Variants in THOC5 observed in about 807,000 individuals in gnomAD.
THOC5 encodes Fms-interacting protein.
In THOC5, 43 loss-of-function variants were observed where a neutral mutation model predicts 92.9. That is an observed-to-expected ratio of 0.46 (90% CI 0.36 to 0.60). The LOEUF (loss-of-function observed/expected upper bound fraction) is 0.60, where lower values mean the gene tolerates loss of function less well. Among genes scored for constraint, THOC5 ranks in the 20% least tolerant of loss-of-function variants. The probability of loss-of-function intolerance (pLI) is 0.00; values close to 1 mark genes in which losing one functional copy is unlikely to be tolerated. For synonymous variants in THOC5, 296 were observed against 320.1 expected (o/e 0.92, Z 0.80); for missense variants, 659 against 849.4 (o/e 0.78, Z 2.79).
chr22:29,517,021 G>C lies in THOC5; in HGVS notation c.1681+8C>G. 3 of 1,613,772 alleles carry C rather than the reference G, an allele frequency of 1.9e-6. No homozygotes were observed. The East Asian group carries it at 6.7e-5, about 36-fold the overall frequency. ...GTCTAGAACCCCTGTAATCAGCAGA[G>C]CAATTACCTGTGCCCCTTTCGATGA... is the stretch of plus-strand genomic sequence containing the variant. On this transcript the variant is annotated splice_region_variant and intron_variant, in intron 17 of 19. Transcript: ENST00000490103.
chr22:29,533,638 G>A (rs5763301), intron 7 of THOC5, among the ~76,000 whole-genome samples: 30,174 of 152,100 alleles, frequency 0.2, 3,295 homozygotes, highest in East Asian at 0.43. Context: ...ACAGAATGGG[G>A]AAGACCTGGG....
intron 17 of THOC5, among the ~76,000 whole-genome samples, chr22:29,512,860 G>T (rs737975): frequency 0.25 from 38,697 of 152,078 alleles, 4,988 homozygotes; most frequent in East Asian, 0.31. Context: ...TTGTGTTTTT[G>T]AACATACTCA....
intron 6 of THOC5, among the ~76,000 whole-genome samples, chr22:29,538,949 A>G (rs1443900349): frequency 1.3e-5 from 2 of 151,638 alleles, no homozygotes; most frequent in African/African-American, 2.4e-5. Context: ...CATCTCTACA[A>G]AAAATACAAA....
rs763689544 is a variant in THOC5, at chr22:29,529,241, T to TG, written c.848-3dup. On this transcript the variant is annotated splice_region_variant and splice_polypyrimidine_tract_variant and intron_variant, in intron 8 of 19. Transcript: ENST00000490103. ...CGATTGCCACAGATAACGTCTTATC[T>TG]GGGGGGCAAGAAGAAGTCTGTTAGG... The TG allele has an allele frequency of 4.3e-6, 7 of 1,614,112 alleles. No homozygotes were observed. The highest frequency in any genetic ancestry group is 4.2e-6 in the Non-Finnish European group (5 of 1,180,012).
At chr22:29,513,997 C>A (rs1423916280) in intron 17 of THOC5, 1 of 148,772 alleles carries the variant, frequency 6.7e-6, no homozygotes, top group African/African-American at 2.5e-5. Context: ...GTTACCAAGG[C>A]TAGAGTGCAA....
chr22:29,519,990 T>A lies in THOC5; in HGVS notation c.1374+18A>T. ...GAGGTAAGCTCCTCAGCCAACTAGA[T>A]GAGATCAGTGTACAGACCTGGGGCT... On this transcript the variant is annotated intron_variant, in intron 14 of 19. Coordinates refer to ENST00000490103, the MANE Select transcript of THOC5 (RefSeq NM_003678.5). The A allele has an allele frequency of 6.4e-7, 1 of 1,573,576 alleles. No individual in the cohort carries two copies. The highest frequency in any genetic ancestry group is 8.7e-7 in the Non-Finnish European group (1 of 1,146,360).
rs1569230675 is a variant in THOC5 at position 29,541,860 on chromosome 22, C to CAAAAAAAA, written c.452+998_452+999insTTTTTTTT. 2.4e-4 allele frequency among the ~76,000 whole-genome samples: 5 copies of CAAAAAAAA among 20,988 alleles called. 2 individuals are homozygous for CAAAAAAAA. Among genetic ancestry groups the CAAAAAAAA allele is most frequent in the African/African-American group, 6.2e-4 (5 of 8,110 alleles). The allele number at this position is 20,988 out of a possible 152,430, so 13.8% of individuals were successfully genotyped here. A position where few individuals can be genotyped will look rare whatever the true frequency, so the allele number is the denominator to read the frequency against. On this transcript the variant is annotated intron_variant, in intron 5 of 19. Transcript: ENST00000490103. ...TGGGCGACAGAGCAAGACTCCATCTCCAAAAAAAAAAAAAAAAAAAAAAAA... is the reference window on the plus strand; with the variant it reads ...TGGGCGACAGAGCAAGACTCCATCTCAAAAAAAACAAAAAAAAAAAAAAAAAAAAAAAA...
intron 9 of THOC5, 56 bp downstream of exon 9, chr22:29,529,106 T>G: frequency 1.3e-6 from 2 of 1,550,668 alleles, no homozygotes; most frequent in Non-Finnish European, 1.8e-6. Flanking sequence ...AGACCAGGAC[T>G]GCCCTTGGAT....
chr22:29,551,778 T>G (rs2064150355), intron 1 of THOC5, among the ~76,000 whole-genome samples: 1 of 151,040 alleles, frequency 6.6e-6, no homozygotes, highest in African/African-American at 2.4e-5. Context: ...TAAAAATTTT[T>G]AGTAAACCCC....
At chr22:29,511,071 A>G (rs2146427714) in intron 19 of THOC5, 35 bp downstream of exon 19, 1 of 1,597,884 alleles carries the variant, frequency 6.3e-7, no homozygotes, top group Middle Eastern at 1.7e-4. Context: ...CCACATCACC[A>G]TGAGAAGTCA....
At chr22:29,519,495 C>G (rs1360461413) in intron 14 of THOC5, among the ~76,000 whole-genome samples, 1 of 152,200 alleles carries the variant, frequency 6.6e-6, no homozygotes, top group Non-Finnish European at 1.5e-5. Flanking sequence ...TAAAAGGCTA[C>G]TAGGCTCAGA....
Position 29,528,475 on chromosome 22 carries a change from A to G in THOC5, c.926-9T>C. The G allele has an allele frequency of 6.2e-7, 1 of 1,612,918 alleles. No homozygotes were observed. Among genetic ancestry groups the G allele is most frequent in the Non-Finnish European group, 8.5e-7 (1 of 1,180,004 alleles). On this transcript the variant is annotated splice_polypyrimidine_tract_variant and intron_variant, in intron 9 of 19. Coordinates refer to ENST00000490103, the MANE Select transcript of THOC5 (RefSeq NM_003678.5). ...TGAGTCACTCTCGTCATCTGCAGCC[A>G]CAGAGAGAAGGCAGCTAGAGGTGAG... is the stretch of plus-strand genomic sequence containing the variant.
In THOC5 at chr22:29,531,032, AT is replaced by A. The variant is rs982693989; in HGVS notation, c.847+798del. 9 of 1,059,350 alleles carry A rather than the reference AT, an allele frequency of 8.5e-6. No homozygotes were observed. In the African/African-American group the frequency reaches 1.6e-4, roughly 18 times the overall value. The allele number at this position is 1,059,350 out of a possible 1,614,324, so 65.6% of individuals were successfully genotyped here. ...ATTAGCATTCTACAAGAACATCAGA[AT>A]GGAACAGGCCGATTTTAAACATAAA... On this transcript the variant is annotated intron_variant, in intron 8 of 19. Coordinates refer to ENST00000490103, the MANE Select transcript of THOC5 (RefSeq NM_003678.5).
chr22:29,542,800 T>TG, intron 5 of THOC5, 59 bp downstream of exon 5: 1 of 1,146,382 alleles, frequency 8.7e-7, no homozygotes, highest in Non-Finnish European at 1.3e-6. Context: ...GTGAGCTACA[T>TG]GGGAAAAAGC....
rs1013119490 is a variant in THOC5 at position 29,505,891 on chromosome 22, C to T, written c.*2566G>A. ...TTTTTTTTTTTTTCCAAGACGGAGT[C>T]TTGCTCTGTTGTCCAGATGGTGCAG... On this transcript the variant is annotated 3_prime_UTR_variant, in exon 20 of 20. Transcript: ENST00000490103. The T allele has an allele frequency of 6.6e-6, 1 of 150,900 alleles. No individual in the cohort carries two copies. The highest frequency in any genetic ancestry group is 2.4e-5 in the African/African-American group (1 of 40,954). The allele number at this position is 150,900 out of a possible 1,614,324, so 9.3% of individuals were successfully genotyped here.
chr22:29,531,658 C>A, intron 8 of THOC5, 173 bp downstream of exon 8: 1 of 1,389,686 alleles, frequency 7.2e-7, no homozygotes, highest in Non-Finnish European at 9.3e-7. Context: ...CAGCCTTAGG[C>A]CAGCTGGTCA....
intron 2 of THOC5, among the ~76,000 whole-genome samples, chr22:29,547,455 C>T (rs2064047033): frequency 6.6e-6 from 1 of 152,040 alleles, no homozygotes; most frequent in South Asian, 2.1e-4. Flanking sequence ...CCTCTGCCTC[C>T]TGGGTTCAAG....
intron 2 of THOC5, among the ~76,000 whole-genome samples, chr22:29,545,545 C>T (rs1405890217): frequency 6.6e-6 from 1 of 152,164 alleles, no homozygotes; most frequent in African/African-American, 2.4e-5. Context: ...GTAAATATAG[C>T]CATTCCAAAT....
At chr22:29,547,137 C>T (rs1041298053) in intron 2 of THOC5, among the ~76,000 whole-genome samples, 1 of 152,052 alleles carries the variant, frequency 6.6e-6, no homozygotes, top group East Asian at 1.9e-4. Flanking sequence ...AGCCACTGCA[C>T]ATGGCCCTGT....
Sources: allele counts gnomAD v4.1 joint callset (sites outside exome capture counted in the v4.1 genomes callset), GRCh38; gene constraint gnomAD v4.1.1; transcripts MANE v1.5; gene names NCBI Gene and HGNC (gene_info 2026-07-23, HGNC 2026-07-21).